The following KLHL29 variants were observed in gnomAD, a reference collection of about 807,000 sequenced individuals.
KLHL29 encodes the protein kelch-like protein 29.
A neutral mutation model predicts 80.4 loss-of-function variants in KLHL29; 21 were observed. The ratio of observed to expected loss-of-function variants is 0.26; its 90% CI spans 0.19 to 0.38. KLHL29 has a LOEUF of 0.38. KLHL29 is among the 10% of genes least tolerant of loss of function. The pLI, the probability that KLHL29 is intolerant of heterozygous loss-of-function variation, is 1.00. For synonymous variants in KLHL29, 511 were observed against 526.8 expected (o/e 0.97, Z 0.41); for missense variants, 867 against 1,223.9 (o/e 0.71, Z 4.35).
chr2:23,520,992 A>ACCGCCC (rs1485391256), intron 2 of KLHL29, among the ~76,000 whole-genome samples: 4 of 91,144 alleles, frequency 4.4e-5, no homozygotes, highest in African/African-American at 7.1e-5. Context: ...TACAAAGACC[A>ACCGCCC]CCCCCCCCCC....
At chr2:23,568,200 A>G (rs947513447) in intron 3 of KLHL29, among the ~76,000 whole-genome samples, 1 of 152,220 alleles carries the variant, frequency 6.6e-6, no homozygotes, top group Non-Finnish European at 1.5e-5. Flanking sequence ...TCTGGGCAAA[A>G]AAAAAGTCCA....
In KLHL29 at chr2:23,541,765, C is replaced by CAAAAAAAAAAAAAA. The variant is rs149080311; in HGVS notation, c.-45-20381_-45-20380insAAAAAAAAAAAAAA. On this transcript the variant is annotated intron_variant, in intron 2 of 13. Coordinates refer to ENST00000486442, the MANE Select transcript of KLHL29 (RefSeq NM_052920.2). Reference sequence around the variant, plus strand: ...AAAGAGCTTTTAAAAAAGCCCAACCCAAAAAACAAAAAAAAAAAAACCATA... The same window carrying CAAAAAAAAAAAAAA: ...AAAGAGCTTTTAAAAAAGCCCAACCCAAAAAAAAAAAAAAAAAAAACAAAAAAAAAAAAACCATA... 1.1e-4 allele frequency among the ~76,000 whole-genome samples: 15 copies of CAAAAAAAAAAAAAA among 139,942 alleles called. 1 individual carries two copies. The highest frequency in any genetic ancestry group is 4.1e-4 in the African/African-American group (14 of 34,280). The allele number at this position is 139,942 out of a possible 152,430, so 91.8% of individuals were successfully genotyped here.
chr2:23,550,727 G>C (rs1198235942), intron 2 of KLHL29, among the ~76,000 whole-genome samples: 2 of 152,210 alleles, frequency 1.3e-5, no homozygotes, highest in African/African-American at 4.8e-5. Context: ...CAGCCAAATA[G>C]AGAGAAGGCA....
At chr2:23,440,512 A>G (rs1309041974) in intron 1 of KLHL29, among the ~76,000 whole-genome samples, 1 of 151,936 alleles carries the variant, frequency 6.6e-6, no homozygotes, top group East Asian at 1.9e-4. Context: ...TCTGCACAGC[A>G]AAAGAAACTA....
At position 23,680,281 on chromosome 2, in the gene KLHL29, C is replaced by T. The variant is rs1044111927; in HGVS notation, c.941-4118C>T. Among the ~76,000 whole-genome samples, 4 of 152,024 alleles carry T rather than the reference C, an allele frequency of 2.6e-5. No individual in the cohort carries two copies. The highest frequency in any genetic ancestry group is 1.9e-4 in the East Asian group (1 of 5,164). On this transcript the variant is annotated intron_variant, in intron 5 of 13. Transcript: ENST00000486442. This position sits in a 1 kb window ranked among gnomAD's most constrained non-coding sequence, Gnocchi z 4.1. ...AGGGGAGGAGTCTGGGGAAGGCCTG[C>T]GGATTGCGGGCAGTGGACCGTCTTC...
intron 2 of KLHL29, among the ~76,000 whole-genome samples, chr2:23,506,511 C>A (rs1665602463): frequency 6.6e-6 from 1 of 152,210 alleles, no homozygotes; most frequent in South Asian, 2.1e-4. Context: ...TGTTGTTACT[C>A]CACCGCCTTG....
chr2:23,706,161 C>A (rs572433913), intron 13 of KLHL29, among the ~76,000 whole-genome samples: 31 of 152,308 alleles, frequency 2.0e-4, no homozygotes, highest in African/African-American at 6.7e-4. Context: ...CAAGAGCCTC[C>A]AGAAAGCCTC....
intron 1 of KLHL29, among the ~76,000 whole-genome samples, chr2:23,413,587 T>C (rs1211648331): frequency 6.6e-6 from 1 of 151,846 alleles, no homozygotes; most frequent in African/African-American, 2.4e-5. Context: ...CCAAAATGAG[T>C]CTCCACCCCT....
intron 7 of KLHL29, among the ~76,000 whole-genome samples, chr2:23,692,304 T>TA (rs1243469230): frequency 3.3e-5 from 5 of 152,236 alleles, no homozygotes; most frequent in Admixed American, 1.3e-4. Flanking sequence ...TGTCCAGGTC[T>TA]AGACATCTGA....
chr2:23,698,227 C>CA (rs1216778323), intron 11 of KLHL29, among the ~76,000 whole-genome samples: 1 of 152,034 alleles, frequency 6.6e-6, no homozygotes, highest in East Asian at 2.0e-4. Flanking sequence ...AGATGAAGGA[C>CA]AAAAGGGTGC....
chr2:23,568,686 G>A (rs1667646287), intron 3 of KLHL29, among the ~76,000 whole-genome samples: 1 of 152,218 alleles, frequency 6.6e-6, no homozygotes. Context: ...TGGGCAAAGA[G>A]ACCCCACCTC....
In KLHL29 at chr2:23,562,448, C is replaced by T; in HGVS notation, c.252C>T (p.Leu84=). ...TTGSSEAITS[L]VASSASAVTT... is the part of the protein sequence containing the mutation. ...GCAGCAGCGAGGCCATCACCAGCCTCGTGGCCAGCTCTGCGTCTGCGGTCA... is the reference window on the plus strand; with the variant it reads ...GCAGCAGCGAGGCCATCACCAGCCTTGTGGCCAGCTCTGCGTCTGCGGTCA... The change falls in exon 3 of 14, where the codon CTC becomes CTT. Residue 84 remains leucine, a synonymous_variant. Transcript: ENST00000486442. The surrounding 1 kb of genome is among the most constrained non-coding windows in gnomAD (Gnocchi z 4.5). 2.0e-6 allele frequency: 3 copies of T among 1,536,772 alleles called. No individual in the cohort carries two copies. The highest frequency in any genetic ancestry group is 2.6e-6 in the Non-Finnish European group (3 of 1,146,786).
intron 5 of KLHL29, among the ~76,000 whole-genome samples, chr2:23,666,395 G>T (rs1670553837): frequency 1.3e-5 from 2 of 152,046 alleles, no homozygotes; most frequent in Admixed American, 1.3e-4. Flanking sequence ...AACTAGGGCA[G>T]TGTGCCCAGC....
At chr2:23,429,621 C>T (rs1410382184) in intron 1 of KLHL29, among the ~76,000 whole-genome samples, 9 of 152,016 alleles carry the variant, frequency 5.9e-5, no homozygotes, top group African/African-American at 1.4e-4. Context: ...GGCATGGTGG[C>T]GGACGCCTGT....
intron 5 of KLHL29, among the ~76,000 whole-genome samples, chr2:23,678,790 C>G (rs1670991577): frequency 6.6e-6 from 1 of 152,130 alleles, no homozygotes; most frequent in African/African-American, 2.4e-5. Flanking sequence ...GGACATTATG[C>G]TAGGTGAAAT....
chr2:23,557,802 TG>T (rs1475571113), intron 2 of KLHL29, among the ~76,000 whole-genome samples: 1 of 152,122 alleles, frequency 6.6e-6, no homozygotes, highest in Non-Finnish European at 1.5e-5. Context: ...TTTGGCGATA[TG>T]TGAGGTTGTG....
intron 3 of KLHL29, among the ~76,000 whole-genome samples, chr2:23,584,723 A>C (rs951941170): frequency 1.6e-4 from 24 of 151,964 alleles, no homozygotes; most frequent in Non-Finnish European, 3.2e-4. Context: ...CTCAGCCTTT[A>C]TTTTATTTTA....
chr2:23,517,015 T>C (rs1665953676), intron 2 of KLHL29, among the ~76,000 whole-genome samples: 1 of 152,202 alleles, frequency 6.6e-6, no homozygotes, highest in African/African-American at 2.4e-5. Flanking sequence ...AGAACCTTCC[T>C]GTCACAGGGA....
intron 1 of KLHL29, among the ~76,000 whole-genome samples, chr2:23,449,414 A>G (rs1199415676): frequency 6.6e-6 from 1 of 152,126 alleles, no homozygotes; most frequent in Non-Finnish European, 1.5e-5. Context: ...CGCCTAGTCT[A>G]TAGGTTGGCT....
Sources: gnomAD v4.1 joint callset for allele counts (sites outside exome capture counted in the v4.1 genomes callset) on GRCh38, gnomAD v4.1.1 for gene constraint, Gnocchi (gnomAD v3.1) non-coding constraint, MANE v1.5 for transcripts, NCBI Gene and HGNC (gene_info 2026-07-23, HGNC 2026-07-21) for gene names.